VWA3B: variants seen among roughly 807,000 people sequenced by gnomAD.
The protein encoded by VWA3B is von Willebrand factor A domain-containing protein 3B.
A neutral mutation model predicts 158.3 loss-of-function variants in VWA3B; 138 were observed. The observed-to-expected ratio is 0.87, with a 90% CI of 0.76 to 1.00. The LOEUF is 1.00. VWA3B is among the 50% of genes least tolerant of loss of function. VWA3B has a pLI of 0.00. For synonymous variants in VWA3B, 596 were observed against 587.3 expected, an observed-to-expected ratio of 1.01 and a Z score of -0.21; for missense variants, 1,555 against 1,565.1, an observed-to-expected ratio of 0.99 and a Z score of 0.11.
At chr2:98,236,142 AGAAT>A (rs1685661564) in intron 17 of VWA3B, among the ~76,000 whole-genome samples, 1 of 152,240 alleles carries the variant, frequency 6.6e-6, no homozygotes, top group Non-Finnish European at 1.5e-5. Context: ...TCTGAATGAA[AGAAT>A]GAATATGTCT....
chr2:98,149,601 G>C (rs1226513774), intron 7 of VWA3B, among the ~76,000 whole-genome samples: 1 of 152,216 alleles, frequency 6.6e-6, no homozygotes, highest in African/African-American at 2.4e-5. Flanking sequence ...AAAGCAACCA[G>C]TCAGAAGTAC....
chr2:98,249,754 C>A (rs542145497), intron 19 of VWA3B, among the ~76,000 whole-genome samples: 1 of 151,942 alleles, frequency 6.6e-6, no homozygotes, highest in Non-Finnish European at 1.5e-5. Flanking sequence ...ATCTCTTATC[C>A]GAGATCACAC....
intron 9 of VWA3B, among the ~76,000 whole-genome samples, chr2:98,182,934 T>C (rs1680717262): frequency 6.6e-6 from 1 of 152,058 alleles, no homozygotes; most frequent in Non-Finnish European, 1.5e-5. Context: ...AAAAATACAT[T>C]AGATTCTGGA....
At chr2:98,275,772 A>G (rs1688485855) in intron 22 of VWA3B, among the ~76,000 whole-genome samples, 1 of 152,252 alleles carries the variant, frequency 6.6e-6, no homozygotes, top group Non-Finnish European at 1.5e-5. Context: ...TGACTTGCCA[A>G]GAGAAGGTGC....
intron 22 of VWA3B, among the ~76,000 whole-genome samples, chr2:98,283,000 AAG>A (rs1191492347): frequency 1.3e-5 from 2 of 152,218 alleles, no homozygotes; most frequent in East Asian, 3.8e-4. Flanking sequence ...TATAGAAAAA[AAG>A]AGTTATCTGA....
At chr2:98,156,901 G>A (rs780433965) in intron 7 of VWA3B, among the ~76,000 whole-genome samples, 86 of 152,222 alleles carry the variant, frequency 5.6e-4, no homozygotes, top group Non-Finnish European at 9.7e-4. Flanking sequence ...TAGCCCCATA[G>A]CATCCTGGAG....
At chr2:98,197,031 A>G (rs945539893) in intron 12 of VWA3B, among the ~76,000 whole-genome samples, 1 of 152,132 alleles carries the variant, frequency 6.6e-6, no homozygotes, top group Admixed American at 6.5e-5. Context: ...GTTTTCCACT[A>G]ATGTTCCTTT....
intron 24 of VWA3B, 146 bp downstream of exon 24, chr2:98,298,177 C>T (rs1574304836): frequency 8.9e-7 from 1 of 1,127,182 alleles, no homozygotes. Flanking sequence ...AGAACAATGG[C>T]CCCTGTTCTG....
intron 7 of VWA3B, among the ~76,000 whole-genome samples, chr2:98,147,587 T>C (rs1677268552): frequency 6.6e-6 from 1 of 152,206 alleles, no homozygotes; most frequent in African/African-American, 2.4e-5. Flanking sequence ...TTCATTAAAG[T>C]TCTATATTAG....
intron 14 of VWA3B, among the ~76,000 whole-genome samples, chr2:98,222,925 A>G (rs1300044895): frequency 6.6e-6 from 1 of 152,222 alleles, no homozygotes; most frequent in Non-Finnish European, 1.5e-5. Flanking sequence ...CCTAGGATCC[A>G]GTAAAAAAAG....
In VWA3B at chr2:98,248,668, G is replaced by A. The variant is rs370574871; in HGVS notation, c.2674-1650G>A. Among the ~76,000 whole-genome samples, 49 of 152,186 alleles carry A rather than the reference G, an allele frequency of 3.2e-4. No homozygotes were observed. The East Asian group carries it at 5.2e-3, about 16-fold the overall frequency. ...CACTCCTAGTCCCACTAGCTTTCCA[G>A]GAGTTGAACTCCCTCTGCCTTGCCA... On this transcript the variant is annotated intron_variant, in intron 19 of 27. Transcript: ENST00000477737.
At chr2:98,153,986 G>C (rs771074326) in intron 7 of VWA3B, among the ~76,000 whole-genome samples, 37 of 152,010 alleles carry the variant, frequency 2.4e-4, no homozygotes, top group African/African-American at 8.0e-4. Flanking sequence ...CTCAGCCTCC[G>C]GAGTAGCTGG....
intron 3 of VWA3B, among the ~76,000 whole-genome samples, chr2:98,116,109 A>G (rs938097666): frequency 6.6e-6 from 1 of 152,248 alleles, no homozygotes; most frequent in Non-Finnish European, 1.5e-5. Context: ...GCATTTGCAG[A>G]TAGGAGAATG....
At chr2:98,160,405 C>T (rs533195473) in intron 7 of VWA3B, among the ~76,000 whole-genome samples, 3 of 152,160 alleles carry the variant, frequency 2.0e-5, no homozygotes, top group Non-Finnish European at 4.4e-5. Flanking sequence ...ACATAGCAGT[C>T]TGTAGCTGCT....
the VWA3B span, among the ~76,000 whole-genome samples, chr2:98,326,778 T>C: frequency 6.7e-6 from 1 of 150,196 alleles, no homozygotes; most frequent in Non-Finnish European, 1.5e-5. Context: ...TAAATAAATA[T>C]GAAATAATAA....
chr2:98,312,266 C>T lies in VWA3B; in HGVS notation c.3802C>T (p.Pro1268Ser). ...CAGCAGCCACGCCATCATTGCCACA[C>T]CTCCACCTCGAGCAGCCCTGCCCTG... The part of the protein sequence containing the change: ...GLSSHAIIAT[P>S]PPRAALPCTL... Residue 1268 changes from proline to serine, a missense_variant, in exon 28 of 28, where the codon CCT becomes TCT. Physicochemically the swap from Pro to Ser is moderately conservative, Grantham distance 74 (BLOSUM62 -1). Coordinates refer to ENST00000477737, the MANE Select transcript of VWA3B (RefSeq NM_144992.5). The T allele has an allele frequency of 2.5e-6, 4 of 1,614,190 alleles. No homozygotes were observed. In the Admixed American group the frequency reaches 5.0e-5, roughly 20 times the overall value.
rs926070407 is a variant in VWA3B, at chr2:98,139,087, C to T, written c.988+5148C>T. ...GGGTGGCTGTGGGCTTGGCAGGCCC[C>T]GCACTCGGAGCAGCCGGCCGGCCCT... On this transcript the variant is annotated intron_variant, in intron 7 of 27. Transcript: ENST00000477737. Among the ~76,000 whole-genome samples the T allele has an allele frequency of 1.1e-4, 17 of 152,300 alleles. No individual in the cohort carries two copies. The South Asian group carries it at 1.7e-3, about 15-fold the overall frequency.
chr2:98,273,256 T>C (rs1285503758), intron 22 of VWA3B, among the ~76,000 whole-genome samples: 1 of 152,256 alleles, frequency 6.6e-6, no homozygotes, highest in Non-Finnish European at 1.5e-5. Context: ...CTCTTTTTGA[T>C]GCTCTAGATT....
intron 21 of VWA3B, 106 bp from the exon 22 acceptor site, chr2:98,270,576 G>A: frequency 8.6e-7 from 1 of 1,168,302 alleles, no homozygotes; most frequent in Non-Finnish European, 1.2e-6. Context: ...ATGTTTCTCA[G>A]GGGAGAATTT....
Sources: gnomAD v4.1 joint callset for allele counts (sites outside exome capture counted in the v4.1 genomes callset) on GRCh38, gnomAD v4.1.1 for gene constraint, MANE v1.5 for transcripts, NCBI Gene and HGNC (gene_info 2026-07-23, HGNC 2026-07-21) for gene names.